ERBB4: variants seen among roughly 807,000 people sequenced by gnomAD.
The protein encoded by ERBB4 is receptor tyrosine-protein kinase erbB-4.
A neutral mutation model predicts 158.0 loss-of-function variants in ERBB4; 42 were observed. The observed-to-expected ratio is 0.27, with a 90% CI of 0.21 to 0.34. ERBB4 has a LOEUF of 0.34. Ranked by LOEUF, ERBB4 falls within the 10% of genes least tolerant of loss-of-function variation. ERBB4 has a pLI of 1.00. For synonymous variants in ERBB4, 583 were observed against 558.7 expected (o/e 1.04, Z -0.61); for missense variants, 1,333 against 1,624.1 (o/e 0.82, Z 3.08).
chr2:211,385,196 G>T (rs923752906), intron 27 of ERBB4, among the ~76,000 whole-genome samples: 6 of 152,010 alleles, frequency 3.9e-5, no homozygotes, highest in Non-Finnish European at 7.4e-5. Flanking sequence ...TACAGAATAG[G>T]TAAGTATTTA....
intron 12 of ERBB4, among the ~76,000 whole-genome samples, chr2:211,681,320 T>C (rs1329696391): frequency 6.6e-6 from 1 of 152,196 alleles, no homozygotes; most frequent in Admixed American, 6.5e-5. Context: ...TTACTATGAA[T>C]ATATGTGTAA....
chr2:211,409,633 G>A (rs2063217305), intron 25 of ERBB4, among the ~76,000 whole-genome samples: 1 of 152,080 alleles, frequency 6.6e-6, no homozygotes, highest in African/African-American at 2.4e-5. Flanking sequence ...GCTTCTCACT[G>A]TGCTCCCAGT....
chr2:212,037,204 T>C (rs1442376539), intron 2 of ERBB4, among the ~76,000 whole-genome samples: 1 of 152,194 alleles, frequency 6.6e-6, no homozygotes, highest in East Asian at 1.9e-4. Context: ...TTCATTTCAC[T>C]TTAGGAAAAC....
At chr2:211,884,992 A>G (rs147856476) in intron 3 of ERBB4, among the ~76,000 whole-genome samples, 4,414 of 152,290 alleles carry the variant, frequency 0.029, 94 homozygotes, top group Non-Finnish European at 0.046. Flanking sequence ...AATTGATTCT[A>G]CTTTACAAAT....
At chr2:212,404,686 A>G (rs1465382959) in intron 1 of ERBB4, among the ~76,000 whole-genome samples, 3 of 151,916 alleles carry the variant, frequency 2.0e-5, no homozygotes, top group African/African-American at 4.8e-5. Context: ...GTACATGTGA[A>G]GGTTTGTTAC....
intron 3 of ERBB4, among the ~76,000 whole-genome samples, chr2:211,803,643 A>T (rs1470627297): frequency 6.6e-6 from 1 of 152,206 alleles, no homozygotes; most frequent in Non-Finnish European, 1.5e-5. Flanking sequence ...AGAAATGCAG[A>T]ATTTATCGGT....
At chr2:212,172,942 T>C (rs1318205171) in intron 1 of ERBB4, among the ~76,000 whole-genome samples, 1 of 152,070 alleles carries the variant, frequency 6.6e-6, no homozygotes, top group Non-Finnish European at 1.5e-5. Context: ...TGAACTTAGT[T>C]GGAAATTTTA....
chr2:211,918,582 C>T (rs781299355), intron 3 of ERBB4, among the ~76,000 whole-genome samples: 4 of 152,230 alleles, frequency 2.6e-5, no homozygotes, highest in African/African-American at 4.8e-5. Context: ...ACCACGTTTG[C>T]GGCAGTAGTC....
At chr2:212,425,281 CAGAT>C (rs985236028) in intron 1 of ERBB4, among the ~76,000 whole-genome samples, 3 of 145,564 alleles carry the variant, frequency 2.1e-5, no homozygotes, top group Admixed American at 7.0e-5. Context: ...TAATAAATAA[CAGAT>C]ATATATTTTA....
At position 212,475,791 on chromosome 2, in the gene ERBB4, A is replaced by G. The variant is rs1689357172; in HGVS notation, c.82+62658T>C. ...TATTGGGGTTTTATTTTTTATTTAA[A>G]AGAAAATAATAATAATAATTGTATT... On this transcript the variant is annotated intron_variant, in intron 1 of 27. Transcript: ENST00000342788. Among the ~76,000 whole-genome samples the G allele has an allele frequency of 2.0e-5, 3 of 152,118 alleles. No homozygotes were observed. The South Asian group carries it at 6.2e-4, about 31-fold the overall frequency.
intron 15 of ERBB4, 39 bp from the exon 16 acceptor site, chr2:211,657,867 C>A: frequency 6.2e-7 from 1 of 1,607,506 alleles, no homozygotes; most frequent in Non-Finnish European, 8.5e-7. Flanking sequence ...CATTCTCCAT[C>A]CACAGTGACA....
chr2:211,474,161 C>G (rs1191302305), intron 20 of ERBB4, among the ~76,000 whole-genome samples: 2 of 151,702 alleles, frequency 1.3e-5, no homozygotes, highest in Non-Finnish European at 1.5e-5. Flanking sequence ...TTATGTTGCT[C>G]CAGGGGTAAG....
intron 3 of ERBB4, among the ~76,000 whole-genome samples, chr2:211,890,581 A>G (rs1198422380): frequency 1.4e-5 from 2 of 147,766 alleles, no homozygotes; most frequent in Admixed American, 1.3e-4. Context: ...TAAATGGACT[A>G]AATTCTCCAA....
In ERBB4 at chr2:212,123,334, C is replaced by T. The variant is rs56136048; in HGVS notation, c.234+1418G>A. ...AGGAGAATTGCTTGAACTCGTGAGG[C>T]GGAGGTTGCAATGAGCCGATATCAC... On this transcript the variant is annotated intron_variant, in intron 2 of 27. Coordinates refer to ENST00000342788, the MANE Select transcript of ERBB4 (RefSeq NM_005235.3). 5.1e-3 allele frequency among the ~76,000 whole-genome samples: 782 copies of T among 152,154 alleles called. 4 individuals are homozygous for T. The highest frequency in any genetic ancestry group is 7.4e-3 in the Non-Finnish European group (503 of 68,016).
At chr2:211,638,396 TA>T (rs984360416) in intron 16 of ERBB4, among the ~76,000 whole-genome samples, 46 of 152,274 alleles carry the variant, frequency 3.0e-4, no homozygotes, top group East Asian at 2.9e-3. Flanking sequence ...CTTTTTCTCC[TA>T]CAAGTAGTGC....
intron 1 of ERBB4, among the ~76,000 whole-genome samples, chr2:212,411,831 T>C (rs2091508978): frequency 6.6e-6 from 1 of 152,146 alleles, no homozygotes; most frequent in Non-Finnish European, 1.5e-5. Context: ...TGCTATACTA[T>C]ACTATACTAT....
chr2:212,377,953 T>C (rs927799149), intron 1 of ERBB4, among the ~76,000 whole-genome samples: 7 of 151,744 alleles, frequency 4.6e-5, no homozygotes, highest in Admixed American at 2.0e-4. Flanking sequence ...CTTTTTCCTA[T>C]TTTTATCTTT....
At chr2:212,401,573 C>A (rs62186273) in intron 1 of ERBB4, among the ~76,000 whole-genome samples, 208 of 152,098 alleles carry the variant, frequency 1.4e-3, no homozygotes, top group Non-Finnish European at 2.6e-3. Flanking sequence ...ACTGAACATA[C>A]ACCAAAATAA....
chr2:211,408,726 C>G (rs1046258545), intron 25 of ERBB4, among the ~76,000 whole-genome samples: 5 of 152,142 alleles, frequency 3.3e-5, no homozygotes, highest in African/African-American at 1.2e-4. Flanking sequence ...ACCTGACACT[C>G]GTCTGGTATT....
Sources: gnomAD v4.1 joint callset for allele counts (sites outside exome capture counted in the v4.1 genomes callset) on GRCh38, gnomAD v4.1.1 for gene constraint, MANE v1.5 for transcripts, NCBI Gene and HGNC (gene_info 2026-07-23, HGNC 2026-07-21) for gene names.